SINHCAF: variants seen among roughly 807,000 people sequenced by gnomAD.
SINHCAF encodes SIN3-HDAC complex associated factor.
SINHCAF carries 3 observed loss-of-function variants against 25.8 expected under a neutral mutation model. The ratio of observed to expected loss-of-function variants is 0.12; its 90% CI spans 0.05 to 0.30. The LOEUF (loss-of-function observed/expected upper bound fraction) is 0.30, where lower values mean the gene tolerates loss of function less well. Among genes scored for constraint, SINHCAF ranks in the 10% least tolerant of loss-of-function variants. The pLI is 1.00. For synonymous variants in SINHCAF, 70 were observed against 85.5 expected (o/e 0.82, Z 1.00); for missense variants, 121 against 262.3 (o/e 0.46, Z 3.72).
chr12:31,299,060 C>T (rs929307905), intron 1 of SINHCAF, among the ~76,000 whole-genome samples: 3 of 151,160 alleles, frequency 2.0e-5, no homozygotes, highest in East Asian at 1.9e-4. Context: ...AAAATCTCAA[C>T]GTCAAGGAAG....
chr12:31,282,655 G>C lies in SINHCAF; in HGVS notation c.*57C>G. 3 of 1,425,308 alleles carry C rather than the reference G, an allele frequency of 2.1e-6. No homozygotes were observed. Among genetic ancestry groups the C allele is most frequent in the Non-Finnish European group, 2.8e-6 (3 of 1,056,830 alleles). The allele number at this position is 1,425,308 out of a possible 1,614,324, so 88.3% of individuals were successfully genotyped here. A position where few individuals can be genotyped will look rare whatever the true frequency, so the allele number is the denominator to read the frequency against. On this transcript the variant is annotated 3_prime_UTR_variant, in exon 6 of 6. Transcript: ENST00000337682. Reference sequence around the variant, plus strand: ...AAAGAGGGTCAGTTTGTAGCTTTGTGGTTTTTCAAAATTCAGATATTTTTT... The same window carrying C: ...AAAGAGGGTCAGTTTGTAGCTTTGTCGTTTTTCAAAATTCAGATATTTTTT...
intron 1 of SINHCAF, among the ~76,000 whole-genome samples, chr12:31,311,139 C>A (rs950918616): frequency 6.6e-6 from 1 of 151,958 alleles, no homozygotes; most frequent in Non-Finnish European, 1.5e-5. Flanking sequence ...AGTGTCCGGC[C>A]GTAATCTATG....
intron 1 of SINHCAF, chr12:31,323,841 C>G (rs574163407): frequency 4.7e-6 from 2 of 427,042 alleles, no homozygotes; most frequent in East Asian, 7.5e-5. Flanking sequence ...CCTGGACTTG[C>G]GGGCCACAGC....
chr12:31,281,914 C>T lies in SINHCAF; in HGVS notation c.*798G>A, dbSNP rs1325454552. ...CCTCCAAGGTATTTGCAACAGAAAG[C>T]TCAGTCTGTCCTGCTTAATAATCAG... is the stretch of plus-strand genomic sequence containing the variant. On this transcript the variant is annotated 3_prime_UTR_variant, in exon 6 of 6. Coordinates refer to ENST00000337682, the MANE Select transcript of SINHCAF (RefSeq NM_001135812.2). 2.0e-5 allele frequency: 3 copies of T among 152,378 alleles called. No individual in the cohort carries two copies. The highest frequency in any genetic ancestry group is 6.5e-5 in the Admixed American group (1 of 15,284). The allele number at this position is 152,378 out of a possible 1,614,324, so 9.4% of individuals were successfully genotyped here. A position where few individuals can be genotyped will look rare whatever the true frequency, so the allele number is the denominator to read the frequency against.
chr12:31,305,718 G>A (rs939779680), intron 1 of SINHCAF, among the ~76,000 whole-genome samples: 1 of 44,856 alleles, frequency 2.2e-5, no homozygotes, highest in Non-Finnish European at 4.6e-5. Context: ...TTTTTTTTTT[G>A]AGACTAAGTC....
At chr12:31,317,073 G>A (rs968569597) in intron 1 of SINHCAF, among the ~76,000 whole-genome samples, 1 of 152,022 alleles carries the variant, frequency 6.6e-6, no homozygotes, top group East Asian at 1.9e-4. Flanking sequence ...GAAGTAAAGC[G>A]TTTTTTAATA....
intron 3 of SINHCAF, 34 bp downstream of exon 3, chr12:31,295,200 A>C: frequency 8.3e-7 from 1 of 1,210,696 alleles, no homozygotes; most frequent in Non-Finnish European, 1.2e-6. Context: ...AATACAGTAG[A>C]GGTATAATTG....
intron 1 of SINHCAF, among the ~76,000 whole-genome samples, chr12:31,299,251 GTGTA>G (rs1421806891): frequency 6.6e-6 from 1 of 152,166 alleles, no homozygotes; most frequent in African/African-American, 2.4e-5. Context: ...CAGAGGATGT[GTGTA>G]TGTATGAGGG....
At chr12:31,285,650 G>A (rs994880410) in intron 5 of SINHCAF, among the ~76,000 whole-genome samples, 1 of 151,978 alleles carries the variant, frequency 6.6e-6, no homozygotes, top group African/African-American at 2.4e-5. Flanking sequence ...TTGTACCTGT[G>A]TTTTCACATA....
rs138199681 is a variant in SINHCAF, at chr12:31,298,385, G to A, written c.-20-161C>T. 5.4e-4 allele frequency: 371 copies of A among 689,286 alleles called. 2 individuals are homozygous for A. The African/African-American group carries it at 5.8e-3, about 11-fold the overall frequency. The allele number at this position is 689,286 out of a possible 1,614,324, so 42.7% of individuals were successfully genotyped here. ...ACCTCCTGGATCGACCTCCATTCTT[G>A]GCACTATCAAGGCAAGCGTATAAAA... On this transcript the variant is annotated intron_variant, in intron 1 of 5. Transcript: ENST00000337682.
chr12:31,287,192 A>G (rs1236266322), intron 5 of SINHCAF, among the ~76,000 whole-genome samples: 6 of 152,044 alleles, frequency 3.9e-5, no homozygotes, highest in Non-Finnish European at 7.4e-5. Context: ...GTTCAAATTT[A>G]TTGGCATCAA....
chr12:31,282,637 G>T lies in SINHCAF; in HGVS notation c.*75C>A. 1.5e-6 allele frequency: 2 copies of T among 1,302,982 alleles called. No homozygotes were observed. The highest frequency in any genetic ancestry group is 2.1e-6 in the Non-Finnish European group (2 of 961,654). The allele number at this position is 1,302,982 out of a possible 1,614,324, so 80.7% of individuals were successfully genotyped here. On this transcript the variant is annotated 3_prime_UTR_variant, in exon 6 of 6. Coordinates refer to ENST00000337682, the MANE Select transcript of SINHCAF (RefSeq NM_001135812.2). ...AACTCCGTCTCAAAAAAAAAAGAGG[G>T]TCAGTTTGTAGCTTTGTGGTTTTTC...
intron 2 of SINHCAF, among the ~76,000 whole-genome samples, chr12:31,297,467 ATTTTTTTTTTTT>A (rs777087270): frequency 9.7e-6 from 1 of 103,424 alleles, no homozygotes; most frequent in Non-Finnish European, 2.0e-5. Flanking sequence ...GTCAAGCGTA[ATTTTTTTTTTTT>A]TTTTTTTTTT....
At chr12:31,321,987 T>TG (rs143940522) in intron 1 of SINHCAF, among the ~76,000 whole-genome samples, 2 of 151,244 alleles carry the variant, frequency 1.3e-5, no homozygotes, top group African/African-American at 4.9e-5. Context: ...ATAACCACTC[T>TG]GGGGGAAAAA....
chr12:31,325,031 C>T lies in SINHCAF; in HGVS notation c.-21+993G>A, dbSNP rs1484308505. 2.2e-6 allele frequency: 1 copy of T among 456,836 alleles called. No homozygotes were observed. The highest frequency in any genetic ancestry group is 2.0e-5 in the African/African-American group (1 of 50,226). The allele number at this position is 456,836 out of a possible 1,614,324, so 28.3% of individuals were successfully genotyped here. A position where few individuals can be genotyped will look rare whatever the true frequency, so the allele number is the denominator to read the frequency against. On this transcript the variant is annotated intron_variant, in intron 1 of 5. Coordinates refer to ENST00000337682, the MANE Select transcript of SINHCAF (RefSeq NM_001135812.2). This position sits in a 1 kb window ranked among gnomAD's most constrained non-coding sequence, Gnocchi z 5.9. The stretch of plus-strand genomic sequence containing the variant: ...TCGGACAAGGACCAGGGTCGCAGCC[C>T]GAAGCACGTGGTCTGTCACGTAGAG...
At position 31,282,878 on chromosome 12, in the gene SINHCAF, GA is replaced by G; in HGVS notation, c.507-8del. The stretch of plus-strand genomic sequence containing the variant: ...CCCACAACATATCTTCTGTCTAAAA[GA>G]AAAAATGGAGAACAAGATACATTAA... On this transcript the variant is annotated splice_polypyrimidine_tract_variant and splice_region_variant and intron_variant, in intron 5 of 5. Coordinates refer to ENST00000337682, the MANE Select transcript of SINHCAF (RefSeq NM_001135812.2). 2 of 1,577,798 alleles carry G rather than the reference GA, an allele frequency of 1.3e-6. No individual in the cohort carries two copies. The highest frequency in any genetic ancestry group is 2.3e-5 in the East Asian group (1 of 44,424).
At chr12:31,310,215 T>C (rs938508794) in intron 1 of SINHCAF, among the ~76,000 whole-genome samples, 3 of 152,162 alleles carry the variant, frequency 2.0e-5, no homozygotes, top group African/African-American at 7.2e-5. Context: ...AGATGTGAAC[T>C]TAAAGCAAGG....
intron 1 of SINHCAF, among the ~76,000 whole-genome samples, chr12:31,316,029 A>C (rs1040214421): frequency 6.6e-6 from 1 of 152,060 alleles, no homozygotes; most frequent in Non-Finnish European, 1.5e-5. Flanking sequence ...TGCCAGGCGT[A>C]GTAGTGGCAG....
chr12:31,313,081 A>G (rs1939342680), intron 1 of SINHCAF, among the ~76,000 whole-genome samples: 1 of 152,048 alleles, frequency 6.6e-6, no homozygotes. Flanking sequence ...CTGGAGTGCA[A>G]TGGCACGATC....
Sources: allele counts gnomAD v4.1 joint callset (sites outside exome capture counted in the v4.1 genomes callset), GRCh38; gene constraint gnomAD v4.1.1; non-coding constraint Gnocchi (gnomAD v3.1); transcripts MANE v1.5; gene names NCBI Gene and HGNC (gene_info 2026-07-23, HGNC 2026-07-21).